Variants in DNM1 observed in about 807,000 individuals in gnomAD.
DNM1 encodes the protein dynamin 1.
In DNM1, 29 loss-of-function variants were observed where a neutral mutation model predicts 104.6. The ratio of observed to expected loss-of-function variants is 0.28; its 90% CI spans 0.21 to 0.38. The LOEUF (loss-of-function observed/expected upper bound fraction) is 0.38. DNM1 is among the 10% of genes least tolerant of loss of function. The pLI is 1.00. For synonymous variants in DNM1, 445 were observed against 475.8 expected, an observed-to-expected ratio of 0.94 and a Z score of 0.84; for missense variants, 640 against 1,189.4, an observed-to-expected ratio of 0.54 and a Z score of 6.79.
At chr9:128,210,021 TTGTTTTGTTTTGTTTTGTC>T (rs1460904585) in intron 1 of DNM1, among the ~76,000 whole-genome samples, 1 of 151,840 alleles carries the variant, frequency 6.6e-6, no homozygotes, top group African/African-American at 2.4e-5. Context: ...TTCCAAGTTT[TTGTTTTGTTTTGTTTTGTC>T]TGTTTTGTTT....
At position 128,218,188 on chromosome 9, in the gene DNM1, C is replaced by G. The variant is rs767934424; in HGVS notation, c.162-43C>G. 3.8e-6 allele frequency: 6 copies of G among 1,591,108 alleles called. No homozygotes were observed. Among genetic ancestry groups the G allele is most frequent in the Middle Eastern group, 1.7e-4 (1 of 6,054 alleles). ...CAGGTACCCCTGGGACAGAGGGCGC[C>G]CCCTCATATCTTGACCCTCCTTTGA... On this transcript the variant is annotated intron_variant, in intron 1 of 21. Transcript: ENST00000372923. The surrounding 1 kb of genome is among the most constrained non-coding windows in gnomAD (Gnocchi z 4.8).
intron 1 of DNM1, among the ~76,000 whole-genome samples, chr9:128,208,937 AG>A (rs1834129639): frequency 6.6e-6 from 1 of 152,132 alleles, no homozygotes; most frequent in Admixed American, 6.5e-5. Context: ...GCAAAGAGTT[AG>A]GGGGAAAAGA....
chr9:128,246,730 CCCTT>C (rs937158628), intron 16 of DNM1, among the ~76,000 whole-genome samples: 1 of 147,460 alleles, frequency 6.8e-6, no homozygotes, highest in African/African-American at 2.5e-5. Flanking sequence ...TTTCCTTCCT[CCCTT>C]CCTTCCTTCC....
chr9:128,231,505 T>C (rs1835694529), intron 10 of DNM1, among the ~76,000 whole-genome samples: 1 of 152,168 alleles, frequency 6.6e-6, no homozygotes, highest in Admixed American at 6.5e-5. Context: ...CCGGCCACTT[T>C]TGCCTTTTGA....
chr9:128,235,371 G>A (rs149747609), intron 11 of DNM1, among the ~76,000 whole-genome samples: 21 of 152,038 alleles, frequency 1.4e-4, no homozygotes, highest in African/African-American at 4.6e-4. Context: ...GTGGGCGCCT[G>A]TAATCCCAGC....
intron 1 of DNM1, among the ~76,000 whole-genome samples, chr9:128,206,358 C>G (rs1211681159): frequency 2.0e-5 from 3 of 152,174 alleles, no homozygotes; most frequent in Non-Finnish European, 4.4e-5. Flanking sequence ...TTCTTCACCC[C>G]CTTCCCTTTT....
At chr9:128,204,720 C>G (rs760317216) in intron 1 of DNM1, 1 of 152,362 alleles carries the variant, frequency 6.6e-6, no homozygotes, top group African/African-American at 2.4e-5. Flanking sequence ...TACACTGACC[C>G]CGTCTTTCAT....
Position 128,247,354 on chromosome 9 carries a change from A to G in DNM1, c.1782-21A>G. Reference sequence around the variant, plus strand: ...GGTCAGACTTTGCCCATCTGCCCTCACTGCCTGCCCTATCTTGCAGGAATG... The same window carrying G: ...GGTCAGACTTTGCCCATCTGCCCTCGCTGCCTGCCCTATCTTGCAGGAATG... On this transcript the variant is annotated intron_variant, in intron 16 of 21. Coordinates refer to ENST00000372923, the MANE Select transcript of DNM1 (RefSeq NM_004408.4). This position sits in a 1 kb window ranked among gnomAD's most constrained non-coding sequence, Gnocchi z 5.1. 6.4e-7 allele frequency: 1 copy of G among 1,574,500 alleles called. No homozygotes were observed. The highest frequency in any genetic ancestry group is 8.7e-7 in the Non-Finnish European group (1 of 1,147,976).
intron 21 of DNM1, chr9:128,252,224 T>C (rs536455916): frequency 3.9e-6 from 1 of 253,412 alleles, no homozygotes; most frequent in African/African-American, 2.3e-5. Flanking sequence ...AGCACTTTGC[T>C]AACTGCCAAC....
chr9:128,211,383 A>G lies in DNM1; in HGVS notation c.162-6848A>G, dbSNP rs10114786. On this transcript the variant is annotated intron_variant, in intron 1 of 21. Coordinates refer to ENST00000372923, the MANE Select transcript of DNM1 (RefSeq NM_004408.4). Reference sequence around the variant, plus strand: ...GCTCCCTCCTGGTCTACCTGAATATATTACAGTGCGTGGGAAAAATAGGGC... The same window carrying G: ...GCTCCCTCCTGGTCTACCTGAATATGTTACAGTGCGTGGGAAAAATAGGGC... Among the ~76,000 whole-genome samples, 172 of 149,402 alleles carry G rather than the reference A, an allele frequency of 1.2e-3. 2 individuals carry two copies. Among genetic ancestry groups the G allele is most frequent in the African/African-American group, 4.0e-3 (163 of 40,288 alleles).
chr9:128,208,192 T>C (rs140710814), intron 1 of DNM1, among the ~76,000 whole-genome samples: 1,875 of 152,248 alleles, frequency 0.012, 15 homozygotes, highest in Middle Eastern at 0.037. Context: ...CCCAAGTAGC[T>C]GGGATTACAG....
chr9:128,226,563 T>C (rs902397550), intron 10 of DNM1, among the ~76,000 whole-genome samples: 5 of 151,908 alleles, frequency 3.3e-5, no homozygotes, highest in African/African-American at 1.2e-4. Context: ...CAAAACAGAG[T>C]CTCAGAAAAG....
In DNM1 at chr9:128,253,288, G is replaced by C; in HGVS notation, c.2535-1366G>C. 1.4e-6 allele frequency: 1 copy of C among 722,836 alleles called. No individual in the cohort carries two copies. The highest frequency in any genetic ancestry group is 1.7e-5 in the South Asian group (1 of 58,218). 44.8% of individuals were successfully genotyped at this position (722,836 alleles called of 1,614,324 possible). On this transcript the variant is annotated intron_variant, in intron 21 of 21. Coordinates refer to ENST00000372923, the MANE Select transcript of DNM1 (RefSeq NM_004408.4). The surrounding 1 kb of genome is among the most constrained non-coding windows in gnomAD (Gnocchi z 5.9). ...CTTGCTCTTTCCTCTTTCTGTCCTTGTGCCGCTGGCTCTCTCACCTCCCTT... is the reference window on the plus strand; with the variant it reads ...CTTGCTCTTTCCTCTTTCTGTCCTTCTGCCGCTGGCTCTCTCACCTCCCTT...
Position 128,253,779 on chromosome 9 carries a change from T to A in DNM1, c.2535-875T>A, listed in dbSNP as rs1374195547. 2.2e-6 allele frequency: 1 copy of A among 450,708 alleles called. No homozygotes were observed. The highest frequency in any genetic ancestry group is 1.2e-4 in the South Asian group (1 of 8,394). The allele number at this position is 450,708 out of a possible 1,614,324, so 27.9% of individuals were successfully genotyped here. A position where few individuals can be genotyped will look rare whatever the true frequency, so the allele number is the denominator to read the frequency against. ...GGGACACACAGCCCCCTTCCCTCCC[T>A]CCCAGGTACCGTCATAGCTGCTAGT... is the stretch of plus-strand genomic sequence containing the variant. On this transcript the variant is annotated intron_variant, in intron 21 of 21. Coordinates refer to ENST00000372923, the MANE Select transcript of DNM1 (RefSeq NM_004408.4). The surrounding 1 kb of genome is among the most constrained non-coding windows in gnomAD (Gnocchi z 5.9).
In DNM1 at chr9:128,222,980, C is replaced by T; in HGVS notation, c.1196+120C>T. The T allele has an allele frequency of 2.0e-6, 2 of 988,728 alleles. No homozygotes were observed. The highest frequency in any genetic ancestry group is 4.8e-5 in the East Asian group (2 of 41,376). 61.2% of individuals were successfully genotyped at this position (988,728 alleles called of 1,614,324 possible). ...GGACTGAAAGCTCTGTTCCCCAGTCCTCTCGACCCCAACTTTCTGGCTCCC... is the reference window on the plus strand; with the variant it reads ...GGACTGAAAGCTCTGTTCCCCAGTCTTCTCGACCCCAACTTTCTGGCTCCC... On this transcript the variant is annotated intron_variant, in intron 9 of 21. Coordinates refer to ENST00000372923, the MANE Select transcript of DNM1 (RefSeq NM_004408.4). The surrounding 1 kb of genome is among the most constrained non-coding windows in gnomAD (Gnocchi z 7.8).
intron 16 of DNM1, chr9:128,246,934 T>G: frequency 8.3e-6 from 2 of 240,992 alleles, no homozygotes; most frequent in Non-Finnish European, 8.3e-6. Flanking sequence ...CTCTTTCCTA[T>G]AGGGTGGTGG....
rs920432970 is a variant in DNM1, at chr9:128,224,956, C to T, written c.1335+567C>T. Among the ~76,000 whole-genome samples, 2 of 152,162 alleles carry T rather than the reference C, an allele frequency of 1.3e-5. No homozygotes were observed. The highest frequency in any genetic ancestry group is 4.8e-5 in the African/African-American group (2 of 41,430). ...GTAAGACCCTCACTCAGGGCCTCTC[C>T]CTCCCTTCCATCCACATCTGGCTTT... On this transcript the variant is annotated intron_variant, in intron 10 of 21. Transcript: ENST00000372923. This position sits in a 1 kb window ranked among gnomAD's most constrained non-coding sequence, Gnocchi z 4.3.
At chr9:128,251,271 T>G in intron 21 of DNM1, 1 of 498,938 alleles carries the variant, frequency 2.0e-6, no homozygotes, top group Non-Finnish European at 3.9e-6. Context: ...TCCTCCTTTC[T>G]TCTTCTTGCT....
intron 1 of DNM1, among the ~76,000 whole-genome samples, chr9:128,217,090 T>C (rs1834653905): frequency 3.9e-5 from 6 of 152,214 alleles, no homozygotes; most frequent in African/African-American, 1.4e-4. Context: ...CAGCTGAGGT[T>C]GACATTGGCA....
Sources: allele counts gnomAD v4.1 joint callset (sites outside exome capture counted in the v4.1 genomes callset), GRCh38; gene constraint gnomAD v4.1.1; non-coding constraint Gnocchi (gnomAD v3.1); transcripts MANE v1.5; gene names NCBI Gene and HGNC (gene_info 2026-07-23, HGNC 2026-07-21).